The following PRR16 variants were observed in gnomAD, a reference collection of about 807,000 sequenced individuals.
The protein encoded by PRR16 is protein Largen.
Under a neutral mutation model 18.2 loss-of-function variants are expected in PRR16, and 6 were observed. The observed-to-expected ratio is 0.33, with a 90% confidence interval of 0.18 to 0.65. The LOEUF (loss-of-function observed/expected upper bound fraction) is 0.65, where lower values mean the gene tolerates loss of function less well. PRR16 is among the 30% of genes least tolerant of loss of function. PRR16 has a pLI of 0.74. For missense variants in PRR16, 412 were observed against 376.6 expected (o/e 1.09, Z -0.78); for synonymous variants, 151 against 147.8 (o/e 1.02, Z -0.16).
At chr5:120,690,627 C>T (rs939835551), downstream of PRR16, among the ~76,000 whole-genome samples, 6 of 152,162 alleles carry the variant, frequency 3.9e-5, no homozygotes, top group African/African-American at 1.4e-4. Context: ...AAAATCACAT[C>T]ACCTTTTCTG....
the PRR16 span, among the ~76,000 whole-genome samples, chr5:120,758,403 A>G: frequency 6.6e-6 from 1 of 152,106 alleles, no homozygotes; most frequent in African/African-American, 2.4e-5. Context: ...TCTCTTCAAG[A>G]AATTGGAAAG....
the PRR16 span, among the ~76,000 whole-genome samples, chr5:120,709,432 A>G: frequency 6.6e-6 from 1 of 152,144 alleles, no homozygotes. Context: ...ATATGAGATG[A>G]TCAAATCTAG....
At chr5:120,661,229 T>C (rs1208596976) in intron 1 of PRR16, among the ~76,000 whole-genome samples, 1 of 152,120 alleles carries the variant, frequency 6.6e-6, no homozygotes, top group Non-Finnish European at 1.5e-5. Context: ...AGCAACCAGA[T>C]ATGACTTTCT....
In PRR16 at chr5:120,628,129, T is replaced by C. The variant is rs540272514; in HGVS notation, c.160-57825T>C. 7.2e-5 allele frequency among the ~76,000 whole-genome samples: 11 copies of C among 152,206 alleles called. No individual in the cohort carries two copies. The East Asian group carries it at 7.7e-4, about 11-fold the overall frequency. ...TGAAGATGGATTGTTCCCTGAAAGG[T>C]TGGACATCAAGCCTGCATATTTTGT... is the stretch of plus-strand genomic sequence containing the variant. On this transcript the variant is annotated intron_variant, in intron 1 of 1. Coordinates refer to ENST00000407149, the MANE Select transcript of PRR16 (RefSeq NM_001300783.2).
At chr5:120,586,158 C>T (rs549315033) in intron 1 of PRR16, among the ~76,000 whole-genome samples, 1 of 145,400 alleles carries the variant, frequency 6.9e-6, no homozygotes, top group Non-Finnish European at 1.5e-5. Flanking sequence ...AGCAACAGAG[C>T]GAGACTCCAT....
At chr5:120,546,118 A>G (rs1018428699) in intron 1 of PRR16, among the ~76,000 whole-genome samples, 1 of 152,076 alleles carries the variant, frequency 6.6e-6, no homozygotes, top group Non-Finnish European at 1.5e-5. Flanking sequence ...AGTTAATAAC[A>G]GTGTTGCAAC....
At chr5:120,579,191 T>C (rs1753179039) in intron 1 of PRR16, among the ~76,000 whole-genome samples, 1 of 152,188 alleles carries the variant, frequency 6.6e-6, no homozygotes, top group African/African-American at 2.4e-5. Flanking sequence ...TTTTCTCCCA[T>C]TCTGTAGGTT....
chr5:120,790,041 A>G, the PRR16 span: 1 of 152,152 alleles, frequency 6.6e-6, no homozygotes, highest in South Asian at 2.1e-4. Flanking sequence ...TCCTGAGGAC[A>G]GATCTAATTC....
chr5:120,628,207 G>C (rs1311672957), intron 1 of PRR16, among the ~76,000 whole-genome samples: 1 of 152,086 alleles, frequency 6.6e-6, no homozygotes, highest in Non-Finnish European at 1.5e-5. Flanking sequence ...TTCAGAACCT[G>C]ATGCGCTGAC....
At chr5:120,547,095 G>C (rs1287579801) in intron 1 of PRR16, among the ~76,000 whole-genome samples, 2 of 152,008 alleles carry the variant, frequency 1.3e-5, no homozygotes, top group Non-Finnish European at 2.9e-5. Flanking sequence ...CTGGAGGGAA[G>C]TGGGAGTGTC....
chr5:120,791,628 C>T, the PRR16 span, among the ~76,000 whole-genome samples: 51 of 116,328 alleles, frequency 4.4e-4, no homozygotes, highest in South Asian at 1.1e-3. Flanking sequence ...TCTATCCATC[C>T]ATCTATCATC....
the PRR16 span, among the ~76,000 whole-genome samples, chr5:120,775,131 T>C: frequency 6.6e-6 from 1 of 152,320 alleles, no homozygotes; most frequent in South Asian, 2.1e-4. Context: ...AGAGTTCCTT[T>C]TGGACAACTT....
At chr5:120,728,976 C>A in the PRR16 span, among the ~76,000 whole-genome samples, 3 of 152,090 alleles carry the variant, frequency 2.0e-5, no homozygotes, top group Non-Finnish European at 2.9e-5. Flanking sequence ...TTTCCCCTAC[C>A]TTCCCTAAGC....
chr5:120,675,796 A>G (rs1756774667), intron 1 of PRR16, among the ~76,000 whole-genome samples: 1 of 152,182 alleles, frequency 6.6e-6, no homozygotes, highest in South Asian at 2.1e-4. Flanking sequence ...ACACAGAAAA[A>G]TAAGACAAAC....
At chr5:120,711,137 A>T in the PRR16 span, among the ~76,000 whole-genome samples, 2 of 152,048 alleles carry the variant, frequency 1.3e-5, no homozygotes, top group Non-Finnish European at 2.9e-5. Flanking sequence ...AATGCAGAAA[A>T]ATTTTTTCCC....
At chr5:120,630,210 T>C (rs1202439850) in intron 1 of PRR16, among the ~76,000 whole-genome samples, 1 of 152,152 alleles carries the variant, frequency 6.6e-6, no homozygotes, top group Non-Finnish European at 1.5e-5. Flanking sequence ...TTTTAATATA[T>C]CTATATTTAT....
chr5:120,563,102 A>T (rs1752626478), intron 1 of PRR16, among the ~76,000 whole-genome samples: 1 of 152,132 alleles, frequency 6.6e-6, no homozygotes, highest in Admixed American at 6.5e-5. Flanking sequence ...TTGTCTGGGA[A>T]GGTCTTTATT....
intron 1 of PRR16, among the ~76,000 whole-genome samples, chr5:120,477,891 C>A (rs1749494730): frequency 6.6e-6 from 1 of 152,226 alleles, no homozygotes; most frequent in African/African-American, 2.4e-5. Flanking sequence ...CTCACTCAAA[C>A]TTTGCTCCAG....
At chr5:120,581,278 A>G (rs1327095051) in intron 1 of PRR16, among the ~76,000 whole-genome samples, 1 of 152,070 alleles carries the variant, frequency 6.6e-6, no homozygotes, top group Non-Finnish European at 1.5e-5. Context: ...GAATTTATCC[A>G]TTTCTTCTAG....
Sources: gnomAD v4.1 joint callset for allele counts (sites outside exome capture counted in the v4.1 genomes callset) on GRCh38, gnomAD v4.1.1 for gene constraint, MANE v1.5 for transcripts, NCBI Gene and HGNC (gene_info 2026-07-23, HGNC 2026-07-21) for gene names.